Variants in ARHGAP18 observed in about 807,000 individuals in gnomAD.
ARHGAP18 encodes Rho GTPase activating protein 18.
Under a neutral mutation model 86.2 loss-of-function variants are expected in ARHGAP18, and 67 were observed. The observed-to-expected ratio is 0.78, with a 90% CI of 0.64 to 0.95. The LOEUF (loss-of-function observed/expected upper bound fraction) is 0.95. Among genes scored for constraint, ARHGAP18 ranks in the 40% least tolerant of loss-of-function variants. ARHGAP18 has a pLI of 0.00. For missense variants in ARHGAP18, 691 were observed against 780.4 expected (o/e 0.89, Z 1.37); for synonymous variants, 283 against 280.4 (o/e 1.01, Z -0.09).
chr6:129,667,147 C>A (rs1774055090), intron 1 of ARHGAP18, among the ~76,000 whole-genome samples: 1 of 151,990 alleles, frequency 6.6e-6, no homozygotes, highest in African/African-American at 2.4e-5. Flanking sequence ...TCTTCCCACT[C>A]TGGGAAGTAG....
At chr6:129,628,637 C>T (rs918629873) in intron 5 of ARHGAP18, among the ~76,000 whole-genome samples, 33 of 152,142 alleles carry the variant, frequency 2.2e-4, no homozygotes, top group African/African-American at 8.0e-4. Context: ...GCATAAACAT[C>T]CTCCATGCAG....
chr6:129,604,297 T>A (rs1788809272), intron 10 of ARHGAP18, among the ~76,000 whole-genome samples: 1 of 151,924 alleles, frequency 6.6e-6, no homozygotes. Context: ...TTTAACAGAA[T>A]TTTTAAAAGA....
chr6:129,633,724 T>C (rs920346862), intron 4 of ARHGAP18, among the ~76,000 whole-genome samples: 2 of 152,102 alleles, frequency 1.3e-5, no homozygotes, highest in Admixed American at 1.3e-4. Context: ...ATCTGTAAAA[T>C]GGGTTAAGAA....
At chr6:129,640,210 T>C (rs1430558869) in intron 2 of ARHGAP18, among the ~76,000 whole-genome samples, 2 of 152,166 alleles carry the variant, frequency 1.3e-5, no homozygotes, top group Non-Finnish European at 2.9e-5. Context: ...TTTTTTCCAT[T>C]AAAAAGTAGA....
chr6:129,641,963 C>T lies in ARHGAP18; in HGVS notation c.169G>A (p.Glu57Lys), dbSNP rs1340286070. 3 of 1,613,846 alleles carry T rather than the reference C, an allele frequency of 1.9e-6. No homozygotes were observed. Among genetic ancestry groups the T allele is most frequent in the South Asian group, 1.1e-5 (1 of 91,084 alleles). The change falls in exon 2 of 15, where the codon GAG becomes AAG. Residue 57 changes from glutamate to lysine, a missense_variant. Coordinates refer to ENST00000368149, the MANE Select transcript of ARHGAP18 (RefSeq NM_033515.3). ...NQESTTIKVM[E>K]KPPFDRSISQ... ...ATTGATCGATCAAATGGAGGCTTCT[C>T]CATAACTTTGATGGTGGTGCTTTCC...
At chr6:129,646,296 CTTTG>C (rs1214420527) in intron 1 of ARHGAP18, among the ~76,000 whole-genome samples, 1 of 152,140 alleles carries the variant, frequency 6.6e-6, no homozygotes, top group African/African-American at 2.4e-5. Flanking sequence ...GCCTTGCTTG[CTTTG>C]TTTGTTGTGA....
chr6:129,709,795 C>G (rs1774872653), intron 1 of ARHGAP18, among the ~76,000 whole-genome samples: 1 of 152,244 alleles, frequency 6.6e-6, no homozygotes, highest in Non-Finnish European at 1.5e-5. Context: ...AGCCCTCTCC[C>G]CAGTTCCTTC....
intron 1 of ARHGAP18, among the ~76,000 whole-genome samples, chr6:129,678,971 G>A (rs1263170736): frequency 2.6e-5 from 4 of 152,134 alleles, no homozygotes; most frequent in African/African-American, 9.7e-5. Context: ...TCACTAAGTA[G>A]CTTAATAAAC....
At chr6:129,706,803 C>T (rs1774808725) in intron 1 of ARHGAP18, among the ~76,000 whole-genome samples, 1 of 145,696 alleles carries the variant, frequency 6.9e-6, no homozygotes, top group Admixed American at 7.1e-5. Context: ...AGGAGAATCA[C>T]TTGAGCCTGG....
Position 129,584,711 on chromosome 6 carries a change from G to A in ARHGAP18, c.1714-599C>T, listed in dbSNP as rs543139976. Among the ~76,000 whole-genome samples, 3 of 152,278 alleles carry A rather than the reference G, an allele frequency of 2.0e-5. No individual in the cohort carries two copies. The South Asian group carries it at 6.2e-4, about 32-fold the overall frequency. On this transcript the variant is annotated intron_variant, in intron 12 of 14. Transcript: ENST00000368149. Reference sequence around the variant, plus strand: ...TATGGATTCGAGGATACCAGTGAAAGTTTATGAGGTTTGTAATACCAAAAT... The same window carrying A: ...TATGGATTCGAGGATACCAGTGAAAATTTATGAGGTTTGTAATACCAAAAT...
Position 129,577,150 on chromosome 6 carries a change from G to A in ARHGAP18, c.*1363C>T, listed in dbSNP as rs935112140. 1.3e-5 allele frequency: 2 copies of A among 151,966 alleles called. No homozygotes were observed. The highest frequency in any genetic ancestry group is 2.4e-5 in the African/African-American group (1 of 41,396). The allele number at this position is 151,966 out of a possible 1,614,324, so 9.4% of individuals were successfully genotyped here. On this transcript the variant is annotated 3_prime_UTR_variant, in exon 15 of 15. Transcript: ENST00000368149. ...TTTTCTTTTAAATAAAAAAGCAATG[G>A]CACGAATCACCACAAAATCATTTAA...
intron 1 of ARHGAP18, among the ~76,000 whole-genome samples, chr6:129,680,518 A>G (rs1295159629): frequency 2.6e-5 from 4 of 152,192 alleles, no homozygotes; most frequent in Non-Finnish European, 1.5e-5. Flanking sequence ...AGCTCCTGTA[A>G]CTTTTACTGA....
intron 13 of ARHGAP18, among the ~76,000 whole-genome samples, chr6:129,583,310 T>C (rs542501767): frequency 1.3e-5 from 2 of 152,292 alleles, no homozygotes; most frequent in South Asian, 2.1e-4. Context: ...GAAAATACAA[T>C]ATACTTGTTA....
At chr6:129,627,045 A>G (rs1789491682) in intron 5 of ARHGAP18, among the ~76,000 whole-genome samples, 1 of 152,126 alleles carries the variant, frequency 6.6e-6, no homozygotes, top group Non-Finnish European at 1.5e-5. Context: ...GGTCTGGAAC[A>G]GAAAATATAC....
At position 129,629,529 on chromosome 6, in the gene ARHGAP18, G is replaced by A. The variant is rs1265206274; in HGVS notation, c.617-7C>T. 1.2e-6 allele frequency: 2 copies of A among 1,600,140 alleles called. No homozygotes were observed. Among genetic ancestry groups the A allele is most frequent in the Non-Finnish European group, 1.7e-6 (2 of 1,176,110 alleles). ...ACAAGGTTAGATGCCTCGTCTAGGGGCCCGGGGGGAAAGAACCCAATTCAT... is the reference window on the plus strand; with the variant it reads ...ACAAGGTTAGATGCCTCGTCTAGGGACCCGGGGGGAAAGAACCCAATTCAT... On this transcript the variant is annotated splice_region_variant and splice_polypyrimidine_tract_variant and intron_variant, in intron 4 of 14. Coordinates refer to ENST00000368149, the MANE Select transcript of ARHGAP18 (RefSeq NM_033515.3).
intron 1 of ARHGAP18, among the ~76,000 whole-genome samples, chr6:129,685,338 C>A (rs1028040579): frequency 6.6e-6 from 1 of 151,938 alleles, no homozygotes; most frequent in Non-Finnish European, 1.5e-5. Context: ...AAAAACTCAT[C>A]TCTACTAAAA....
intron 1 of ARHGAP18, among the ~76,000 whole-genome samples, chr6:129,666,319 C>G (rs554505548): frequency 4.4e-4 from 67 of 152,336 alleles, no homozygotes; most frequent in African/African-American, 1.6e-3. Context: ...TGCTGGGCAG[C>G]CAAAAGAACG....
chr6:129,646,847 C>T (rs1202849478), intron 1 of ARHGAP18, among the ~76,000 whole-genome samples: 1 of 152,170 alleles, frequency 6.6e-6, no homozygotes, highest in Non-Finnish European at 1.5e-5. Flanking sequence ...CAGTTTTACT[C>T]TCCTAGACAC....
intron 1 of ARHGAP18, among the ~76,000 whole-genome samples, chr6:129,701,834 T>C (rs1774716131): frequency 6.6e-6 from 1 of 151,906 alleles, no homozygotes; most frequent in Non-Finnish European, 1.5e-5. Context: ...CAGTTAGCTA[T>C]GAAATGTAAG....
Sources: gnomAD v4.1 joint callset for allele counts (sites outside exome capture counted in the v4.1 genomes callset) on GRCh38, gnomAD v4.1.1 for gene constraint, MANE v1.5 for transcripts, NCBI Gene and HGNC (gene_info 2026-07-23, HGNC 2026-07-21) for gene names.